ELK4: variants seen among roughly 807,000 people sequenced by gnomAD.
ELK4 encodes the protein ETS transcription factor ELK4.
ELK4 carries 16 observed loss-of-function variants against 29.6 expected under a neutral mutation model. The ratio of observed to expected loss-of-function variants is 0.54; its 90% confidence interval spans 0.37 to 0.82. The LOEUF is 0.82. Among genes scored for constraint, ELK4 ranks in the 40% least tolerant of loss-of-function variants. ELK4 has a pLI of 0.00. For synonymous variants in ELK4, 213 were observed against 191.1 expected (o/e 1.11, Z -0.95); for missense variants, 465 against 507.1 (o/e 0.92, Z 0.80).
Position 205,623,761 on chromosome 1 carries a change from A to G in ELK4, c.122T>C (p.Val41Ala). 1 of 1,614,130 alleles carries G rather than the reference A, an allele frequency of 6.2e-7. No individual in the cohort carries two copies. The highest frequency in any genetic ancestry group is 8.5e-7 in the Non-Finnish European group (1 of 1,180,022). Residue 41 changes from valine to alanine, a missense_variant, in exon 2 of 5, where the codon GTG becomes GCG. Val to Ala is a moderately conservative substitution (Grantham distance 64). Transcript: ENST00000357992. ...CTTGCGAATCCCCCAGAGACGAGCC[A>G]CCTCTTCTGCCTGCAAAAGCTTAAA... ...GQFKLLQAEE[V>A]ARLWGIRKNK...
rs183764386 is a variant in ELK4 at position 205,615,966 on chromosome 1, T to G, written c.*580A>C. The G allele has an allele frequency of 3.8e-4, 84 of 221,478 alleles. 1 individual carries two copies. The highest frequency in any genetic ancestry group is 1.5e-3 in the African/African-American group (65 of 44,796). The allele number at this position is 221,478 out of a possible 1,614,324, so 13.7% of individuals were successfully genotyped here. On this transcript the variant is annotated 3_prime_UTR_variant, in exon 5 of 5. Coordinates refer to ENST00000357992, the MANE Select transcript of ELK4 (RefSeq NM_001973.4). ...TTTTCATGGAGTTGCTTACACGTTA[T>G]AGTTCACACAAAACAATCTCCCCAG...
At chr1:205,631,234 C>G (rs1247391100) in intron 1 of ELK4, among the ~76,000 whole-genome samples, 1 of 152,230 alleles carries the variant, frequency 6.6e-6, no homozygotes. Context: ...CGCGTGTGCC[C>G]TACAGGAGAT....
chr1:205,626,076 G>C, intron 1 of ELK4: 1 of 1,066,832 alleles, frequency 9.4e-7, no homozygotes, highest in Admixed American at 1.7e-5. Context: ...TGCCACAATG[G>C]GTCAGCTCTA....
rs190824489 is a variant in ELK4 at position 205,610,700 on chromosome 1, A to C, written c.*5846T>G. On this transcript the variant is annotated 3_prime_UTR_variant, in exon 5 of 5. Coordinates refer to ENST00000357992, the MANE Select transcript of ELK4 (RefSeq NM_001973.4). ...AAAGTGGCAACTGCAAAGTGCAGCA[A>C]ATTTTTTTAAGTTTTAGTATAAAAT... The C allele has an allele frequency of 8.6e-6, 2 of 232,000 alleles. No individual in the cohort carries two copies. Among genetic ancestry groups the C allele is most frequent in the Admixed American group, 1.1e-4 (2 of 17,736 alleles). The allele number at this position is 232,000 out of a possible 1,614,324, so 14.4% of individuals were successfully genotyped here.
rs758763759 is a variant in ELK4, at chr1:205,616,660, A to G, written c.1198-16T>C. On this transcript the variant is annotated splice_polypyrimidine_tract_variant and intron_variant, in intron 4 of 4. Coordinates refer to ENST00000357992, the MANE Select transcript of ELK4 (RefSeq NM_001973.4). ...CAGAAGGAAACTGAGAAAGAAAACA[A>G]AACACATTATCATCCTATTACTCAA... 1 of 1,607,432 alleles carries G rather than the reference A, an allele frequency of 6.2e-7. No individual in the cohort carries two copies. The highest frequency in any genetic ancestry group is 1.1e-5 in the South Asian group (1 of 90,874).
At chr1:205,629,688 T>C (rs1407122604) in intron 1 of ELK4, among the ~76,000 whole-genome samples, 1 of 151,208 alleles carries the variant, frequency 6.6e-6, no homozygotes, top group Non-Finnish European at 1.5e-5. Flanking sequence ...CTGCACTCCA[T>C]CCTGGGCGAC....
intron 4 of ELK4, among the ~76,000 whole-genome samples, chr1:205,618,280 C>T (rs2102377076): frequency 6.6e-6 from 1 of 152,136 alleles, no homozygotes; most frequent in Non-Finnish European, 1.5e-5. Flanking sequence ...ATCTTCCTGC[C>T]TCGGCCTACC....
chr1:205,609,691 T>C lies in ELK4; in HGVS notation c.*6855A>G, dbSNP rs374290300. On this transcript the variant is annotated 3_prime_UTR_variant, in exon 5 of 5. Transcript: ENST00000357992. ...ATTGTGTCCCCTACACAATAGACAATAAGCAACAATGACCAAACAGAAAAG... is the reference window on the plus strand; with the variant it reads ...ATTGTGTCCCCTACACAATAGACAACAAGCAACAATGACCAAACAGAAAAG... The C allele has an allele frequency of 3.8e-4, 79 of 206,998 alleles. 2 individuals are homozygous for C. In the South Asian group the frequency reaches 0.014, roughly 38 times the overall value. The allele number at this position is 206,998 out of a possible 1,614,324, so 12.8% of individuals were successfully genotyped here. A position where few individuals can be genotyped will look rare whatever the true frequency, so the allele number is the denominator to read the frequency against.
At position 205,609,382 on chromosome 1, in the gene ELK4, C is replaced by A. The variant is rs1034612567; in HGVS notation, c.*7164G>T. The A allele has an allele frequency of 7.3e-5, 14 of 192,706 alleles. No individual in the cohort carries two copies. Among genetic ancestry groups the A allele is most frequent in the African/African-American group, 3.0e-4 (13 of 43,058 alleles). 11.9% of individuals were successfully genotyped at this position (192,706 alleles called of 1,614,324 possible). Reference sequence around the variant, plus strand: ...TTTCATATTTAATCTTCCCTGCCCACAAAGATAAATGAAACTGCTCAAAGG... The same window carrying A: ...TTTCATATTTAATCTTCCCTGCCCAAAAAGATAAATGAAACTGCTCAAAGG... On this transcript the variant is annotated 3_prime_UTR_variant, in exon 5 of 5. Coordinates refer to ENST00000357992, the MANE Select transcript of ELK4 (RefSeq NM_001973.4).
intron 1 of ELK4, among the ~76,000 whole-genome samples, chr1:205,630,995 A>C (rs1670571820): frequency 6.6e-6 from 1 of 152,220 alleles, no homozygotes; most frequent in Admixed American, 6.5e-5. Context: ...TGTACTTTTG[A>C]CTACTTCAGT....
At chr1:205,629,183 A>AAAAAAAAG (rs1434997998) in intron 1 of ELK4, among the ~76,000 whole-genome samples, 1 of 151,902 alleles carries the variant, frequency 6.6e-6, no homozygotes, top group East Asian at 1.9e-4. Context: ...AAAAAAAAAA[A>AAAAAAAAG]AAAAAGAAAA....
In ELK4 at chr1:205,620,209, G is replaced by T; in HGVS notation, c.837C>A (p.Asp279Glu). 5.0e-6 allele frequency: 8 copies of T among 1,614,236 alleles called. No individual in the cohort carries two copies. Among genetic ancestry groups the T allele is most frequent in the Non-Finnish European group, 6.8e-6 (8 of 1,180,048 alleles). ...GAGAAGCCACTGAATCAATGTCTGT[G>T]TCGATGTCTGGGTGAGAACTCAGTG... is the stretch of plus-strand genomic sequence containing the variant. ...SPPLSSHPDIDTDIDSVASQP... is the reference protein window; with the variant it reads ...SPPLSSHPDIETDIDSVASQP... Residue 279 changes from aspartate to glutamate, a missense_variant, in exon 3 of 5, where the codon GAC becomes GAA. By Grantham distance (45) the Asp-to-Glu change is conservative. Transcript: ENST00000357992.
chr1:205,619,001 G>C lies in ELK4; in HGVS notation c.1153C>G (p.Pro385Ala), dbSNP rs775491018. The change falls in exon 4 of 5, where the codon CCC becomes GCC. Residue 385 changes from proline to alanine, a missense_variant. Around this residue, in one of 2 missense-constraint regions of ELK4, gnomAD observed 80 missense variants for 119.6 expected, o/e 0.67. Transcript: ENST00000357992. ...HFWSTLSPVA[P>A]LSPARLQGAN... ...CCTTGCAGTCTGGCTGGACTTAGGG[G>C]AGCAACAGGACTGAGAGTACTCCAG... The C allele has an allele frequency of 6.2e-7, 1 of 1,611,948 alleles. No individual in the cohort carries two copies.
intron 2 of ELK4, among the ~76,000 whole-genome samples, chr1:205,621,937 C>A (rs1670360443): frequency 6.6e-6 from 1 of 152,052 alleles, no homozygotes; most frequent in Admixed American, 6.5e-5. Flanking sequence ...AAGAGCCCTG[C>A]ACAGTGGCTC....
chr1:205,619,523 G>T, intron 3 of ELK4: 1 of 1,108,314 alleles, frequency 9.0e-7, no homozygotes. Context: ...AATGTTCTAT[G>T]AGATGAGCAA....
chr1:205,618,966 T>C lies in ELK4; in HGVS notation c.1188A>G (p.Thr396=). The part of the protein sequence containing the change: ...LSPARLQGAN[T]LFQFPSVLNS... Reference sequence around the variant, plus strand: ...ATATTTATAAAATTACCTGGAAAAGTGTGTTAGCACCTTGCAGTCTGGCTG... The same window carrying C: ...ATATTTATAAAATTACCTGGAAAAGCGTGTTAGCACCTTGCAGTCTGGCTG... The change falls in exon 4 of 5, where the codon ACA becomes ACG. Residue 396 remains threonine (T), a synonymous_variant. Coordinates refer to ENST00000357992, the MANE Select transcript of ELK4 (RefSeq NM_001973.4). 6.2e-7 allele frequency: 1 copy of C among 1,604,928 alleles called. No homozygotes were observed. Among genetic ancestry groups the C allele is most frequent in the Non-Finnish European group, 8.5e-7 (1 of 1,176,164 alleles).
chr1:205,623,386 T>C (rs1670391018), intron 2 of ELK4, among the ~76,000 whole-genome samples: 1 of 149,114 alleles, frequency 6.7e-6, no homozygotes, highest in Admixed American at 6.7e-5. Flanking sequence ...CTTGGCTCAC[T>C]ACAACCTCCG....
rs1575120257 is a variant in ELK4 at position 205,615,029 on chromosome 1, A to AT, written c.*1516dup. 1.0e-5 allele frequency: 2 copies of AT among 200,100 alleles called. No homozygotes were observed. Among genetic ancestry groups the AT allele is most frequent in the Non-Finnish European group, 2.1e-5 (2 of 97,198 alleles). 12.4% of individuals were successfully genotyped at this position (200,100 alleles called of 1,614,324 possible). On this transcript the variant is annotated 3_prime_UTR_variant, in exon 5 of 5. Coordinates refer to ENST00000357992, the MANE Select transcript of ELK4 (RefSeq NM_001973.4). The stretch of plus-strand genomic sequence containing the variant: ...TGGTAATGTAGAGAATAAGGCCTAC[A>AT]TTTTTTACTACTAATATGAACAATC...
intron 1 of ELK4, among the ~76,000 whole-genome samples, chr1:205,624,711 G>A (rs1670418798): frequency 1.3e-5 from 2 of 152,012 alleles, no homozygotes; most frequent in African/African-American, 4.8e-5. Context: ...TTTGTTGTGG[G>A]AAGCTGTCCT....
Sources: gnomAD v4.1 joint callset for allele counts (sites outside exome capture counted in the v4.1 genomes callset) on GRCh38, gnomAD v4.1.1 for gene constraint, gnomAD v4.1.1 regional missense constraint, MANE v1.5 for transcripts, NCBI Gene and HGNC (gene_info 2026-07-23, HGNC 2026-07-21) for gene names.